Variants in LAMA2 observed in about 807,000 individuals in gnomAD.
LAMA2 encodes the protein laminin subunit alpha 2.
In LAMA2, 269 loss-of-function variants were observed where a neutral mutation model predicts 364.8. The observed-to-expected ratio is 0.74, with a 90% confidence interval of 0.67 to 0.82. The LOEUF (loss-of-function observed/expected upper bound fraction) is 0.82. Among genes scored for constraint, LAMA2 ranks in the 40% least tolerant of loss-of-function variants. The pLI, the probability that LAMA2 is intolerant of heterozygous loss-of-function variation, is 0.00. For missense variants in LAMA2, 3,807 were observed against 3,873.2 expected (o/e 0.98, Z 0.45); for synonymous variants, 1,379 against 1,370.6 (o/e 1.01, Z -0.14).
chr6:129,457,607 C>T (rs1248338707), intron 48 of LAMA2, among the ~76,000 whole-genome samples: 3 of 152,072 alleles, frequency 2.0e-5, no homozygotes, highest in Non-Finnish European at 2.9e-5. Flanking sequence ...ATTCTTATAA[C>T]TCTTCCTATA....
intron 34 of LAMA2, among the ~76,000 whole-genome samples, chr6:129,375,853 A>G (rs1013298654): frequency 2.6e-5 from 4 of 152,168 alleles, no homozygotes; most frequent in African/African-American, 9.7e-5. Flanking sequence ...CTTAAAGCCC[A>G]TTATTTCTCC....
intron 1 of LAMA2, among the ~76,000 whole-genome samples, chr6:128,935,090 T>C (rs1182327970): frequency 6.6e-6 from 1 of 152,164 alleles, no homozygotes; most frequent in African/African-American, 2.4e-5. Context: ...ATACTTTGAG[T>C]TCTAGGGTAC....
At chr6:129,234,997 G>A (rs1784894407) in intron 12 of LAMA2, among the ~76,000 whole-genome samples, 2 of 152,142 alleles carry the variant, frequency 1.3e-5, no homozygotes, top group Non-Finnish European at 2.9e-5. Flanking sequence ...GGAAATGTAT[G>A]ATTTTTAAAA....
At chr6:129,363,556 A>G (rs1777589499) in intron 32 of LAMA2, among the ~76,000 whole-genome samples, 1 of 152,232 alleles carries the variant, frequency 6.6e-6, no homozygotes, top group South Asian at 2.1e-4. Flanking sequence ...ATACATTTCT[A>G]ATAAGCTTCC....
At chr6:128,908,733 G>A (rs1777676618) in intron 1 of LAMA2, among the ~76,000 whole-genome samples, 1 of 145,862 alleles carries the variant, frequency 6.9e-6, no homozygotes, top group African/African-American at 2.6e-5. Flanking sequence ...ATGTTAGGGT[G>A]TCAATTTTGG....
intron 3 of LAMA2, among the ~76,000 whole-genome samples, chr6:129,095,190 G>A (rs1775096369): frequency 6.6e-6 from 1 of 152,138 alleles, no homozygotes; most frequent in Admixed American, 6.5e-5. Flanking sequence ...GTGGCTTACT[G>A]TCCTAACCTT....
chr6:129,044,479 G>A (rs1391240788), intron 1 of LAMA2, among the ~76,000 whole-genome samples: 1 of 151,594 alleles, frequency 6.6e-6, no homozygotes, highest in Non-Finnish European at 1.5e-5. Context: ...TCAAATGTTT[G>A]CCATATTGTA....
At chr6:128,918,999 C>T (rs1778526005) in intron 1 of LAMA2, among the ~76,000 whole-genome samples, 1 of 152,128 alleles carries the variant, frequency 6.6e-6, no homozygotes, top group Non-Finnish European at 1.5e-5. Context: ...AGGAATCCTT[C>T]CTGGTACAAA....
intron 1 of LAMA2, among the ~76,000 whole-genome samples, chr6:129,008,404 T>C (rs116789890): frequency 0.021 from 3,173 of 152,258 alleles, 110 homozygotes; most frequent in African/African-American, 0.072. Flanking sequence ...CCACATGCTA[T>C]TATACAAGAG....
intron 3 of LAMA2, among the ~76,000 whole-genome samples, chr6:129,095,754 CAAAAAAA>C (rs57713069): frequency 6.4e-5 from 6 of 94,000 alleles, no homozygotes; most frequent in African/African-American, 1.4e-4. Flanking sequence ...CTACTAAATA[CAAAAAAA>C]AAAAAAAAAA....
At position 129,120,548 on chromosome 6, in the gene LAMA2, C is replaced by T. The variant is rs114044368; in HGVS notation, c.639+22133C>T. Among the ~76,000 whole-genome samples, 917 of 152,272 alleles carry T rather than the reference C, an allele frequency of 6.0e-3. 9 individuals are homozygous for T. Among genetic ancestry groups the T allele is most frequent in the African/African-American group, 0.021 (859 of 41,538 alleles). On this transcript the variant is annotated intron_variant, in intron 4 of 64. Coordinates refer to ENST00000421865, the MANE Select transcript of LAMA2 (RefSeq NM_000426.4). ...TAAAAATCAAGAGTAAGAAGTTTTA[C>T]AATATTTACTAAAGATTACGATTAG...
intron 1 of LAMA2, among the ~76,000 whole-genome samples, chr6:128,972,084 G>A (rs560667366): frequency 1.3e-5 from 2 of 152,348 alleles, no homozygotes; most frequent in Admixed American, 1.3e-4. Flanking sequence ...TTAGGTGTGA[G>A]AGGGGAGACC....
chr6:128,937,227 G>A lies in LAMA2; in HGVS notation c.112+53870G>A, dbSNP rs528398171. 4.6e-5 allele frequency among the ~76,000 whole-genome samples: 7 copies of A among 152,170 alleles called. No individual in the cohort carries two copies. In the East Asian group the frequency reaches 1.4e-3, roughly 29 times the overall value. On this transcript the variant is annotated intron_variant, in intron 1 of 64. Transcript: ENST00000421865. ...CAAGGATAAATCCCTCTTAATCATGGTGAATGTTCCTTTTGATATGCCGTT... is the reference window on the plus strand; with the variant it reads ...CAAGGATAAATCCCTCTTAATCATGATGAATGTTCCTTTTGATATGCCGTT...
intron 34 of LAMA2, among the ~76,000 whole-genome samples, chr6:129,370,670 A>T (rs1351167972): frequency 6.6e-6 from 1 of 152,336 alleles, no homozygotes; most frequent in Admixed American, 6.5e-5. Flanking sequence ...ATTATCTAAG[A>T]GCTTTAAATG....
intron 8 of LAMA2, among the ~76,000 whole-genome samples, chr6:129,159,514 C>T (rs907944092): frequency 4.6e-5 from 7 of 152,204 alleles, no homozygotes; most frequent in African/African-American, 1.7e-4. Context: ...GAGCACCCAC[C>T]ATGCTTAATT....
chr6:129,042,240 G>A (rs910746917), intron 1 of LAMA2, among the ~76,000 whole-genome samples: 5 of 151,748 alleles, frequency 3.3e-5, no homozygotes, highest in Non-Finnish European at 7.4e-5. Context: ...GAGAGGCGGA[G>A]GTTGCAGTGA....
chr6:129,157,125 C>A (rs371050234), intron 8 of LAMA2, among the ~76,000 whole-genome samples: 1 of 152,080 alleles, frequency 6.6e-6, no homozygotes, highest in Non-Finnish European at 1.5e-5. Context: ...AGGTAAAAGG[C>A]AAAGTCTATT....
intron 49 of LAMA2, among the ~76,000 whole-genome samples, chr6:129,463,794 G>T (rs1160485817): frequency 2.0e-5 from 3 of 152,034 alleles, no homozygotes; most frequent in African/African-American, 7.2e-5. Context: ...CTCTTAGATG[G>T]TCTCATGAAA....
intron 10 of LAMA2, among the ~76,000 whole-genome samples, chr6:129,179,409 A>G (rs919481568): frequency 5.3e-5 from 8 of 152,164 alleles, no homozygotes; most frequent in African/African-American, 1.9e-4. Flanking sequence ...TACAGTGGTG[A>G]TGTCTGGTAT....
Sources: allele counts gnomAD v4.1 joint callset (sites outside exome capture counted in the v4.1 genomes callset), GRCh38; gene constraint gnomAD v4.1.1; transcripts MANE v1.5; gene names NCBI Gene and HGNC (gene_info 2026-07-23, HGNC 2026-07-21).